The following CSMD1 variants were observed in gnomAD, a reference collection of about 807,000 sequenced individuals.
The protein encoded by CSMD1 is CUB and Sushi multiple domains 1.
In CSMD1, 213 loss-of-function variants were observed where a neutral mutation model predicts 417.5. That is an observed-to-expected ratio of 0.51 (90% CI 0.46 to 0.57). The LOEUF (loss-of-function observed/expected upper bound fraction) is 0.57, where lower values mean the gene tolerates loss of function less well. Among genes scored for constraint, CSMD1 ranks in the 20% least tolerant of loss-of-function variants. The probability of loss-of-function intolerance (pLI) is 0.00; values close to 1 mark genes in which losing one functional copy is unlikely to be tolerated. For missense variants in CSMD1, 6,923 were observed against 4,529.7 expected, an observed-to-expected ratio of 1.53 and a Z score of -15.17; for synonymous variants, 2,862 against 1,736.8, an observed-to-expected ratio of 1.65 and a Z score of -16.11.
intron 3 of CSMD1, among the ~76,000 whole-genome samples, chr8:4,080,182 C>T (rs1800054077): frequency 6.6e-6 from 1 of 152,054 alleles, no homozygotes; most frequent in South Asian, 2.1e-4. Flanking sequence ...TGAATCTTTA[C>T]TTGGGTTCAT....
chr8:3,743,699 A>G (rs1194607340), intron 6 of CSMD1, among the ~76,000 whole-genome samples: 2 of 152,108 alleles, frequency 1.3e-5, no homozygotes, highest in Admixed American at 6.6e-5. Flanking sequence ...TTTTCCCATA[A>G]AGACATTCCT....
rs149393741 is a variant in CSMD1, at chr8:4,806,558, G to T, written c.86-169000C>A. 2.0e-5 allele frequency among the ~76,000 whole-genome samples: 3 copies of T among 152,124 alleles called. No homozygotes were observed. The East Asian group carries it at 5.8e-4, about 29-fold the overall frequency. On this transcript the variant is annotated intron_variant, in intron 1 of 69. Coordinates refer to ENST00000635120, the MANE Select transcript of CSMD1 (RefSeq NM_033225.6). ...ACCGTGCTACTAGCATATTAACAAA[G>T]AGAGAAATCTTGACGATAATCATAT...
chr8:4,709,401 A>G (rs1808149916), intron 1 of CSMD1, among the ~76,000 whole-genome samples: 1 of 152,156 alleles, frequency 6.6e-6, no homozygotes, highest in Non-Finnish European at 1.5e-5. Flanking sequence ...AGGGACGAAC[A>G]TAAAGACTCT....
intron 7 of CSMD1, among the ~76,000 whole-genome samples, chr8:3,662,908 T>A (rs756421555): frequency 6.6e-6 from 1 of 152,094 alleles, no homozygotes; most frequent in Non-Finnish European, 1.5e-5. Flanking sequence ...AAAACCTAGA[T>A]GATGGGTTGA....
intron 1 of CSMD1, among the ~76,000 whole-genome samples, chr8:4,718,645 A>C (rs1445098986): frequency 1.3e-5 from 2 of 152,116 alleles, no homozygotes; most frequent in East Asian, 1.9e-4. Flanking sequence ...AAACCAAATA[A>C]AATCAATTTT....
At chr8:3,603,307 A>C (rs186953372) in intron 8 of CSMD1, among the ~76,000 whole-genome samples, 60 of 142,496 alleles carry the variant, frequency 4.2e-4, no homozygotes, top group African/African-American at 1.4e-3. Context: ...AGGCATAGGA[A>C]TATGTTATGT....
At chr8:3,438,082 G>A (rs905265785) in intron 12 of CSMD1, among the ~76,000 whole-genome samples, 2 of 152,192 alleles carry the variant, frequency 1.3e-5, no homozygotes, top group Non-Finnish European at 2.9e-5. Context: ...CAGTAGAAAA[G>A]CTTCAGACTT....
At chr8:3,817,956 T>C (rs1281172044) in intron 5 of CSMD1, among the ~76,000 whole-genome samples, 1 of 152,220 alleles carries the variant, frequency 6.6e-6, no homozygotes, top group Non-Finnish European at 1.5e-5. Context: ...TGGATTCTTT[T>C]GGTATCTTTG....
At chr8:3,510,835 C>T (rs1173038310) in intron 10 of CSMD1, among the ~76,000 whole-genome samples, 2 of 151,750 alleles carry the variant, frequency 1.3e-5, no homozygotes, top group Non-Finnish European at 2.9e-5. Context: ...TCATATCCTT[C>T]CCCCACTTTT....
At chr8:4,309,473 T>C (rs1469262070) in intron 3 of CSMD1, among the ~76,000 whole-genome samples, 1 of 108,964 alleles carries the variant, frequency 9.2e-6, no homozygotes, top group Non-Finnish European at 1.7e-5. Flanking sequence ...AAAAAATAAA[T>C]ATTAAATGCA....
chr8:3,250,154 C>G (rs1800158407), intron 26 of CSMD1, among the ~76,000 whole-genome samples: 2 of 152,176 alleles, frequency 1.3e-5, no homozygotes, highest in African/African-American at 2.4e-5. Flanking sequence ...GTGTGGTACA[C>G]CCATTAAGTC....
chr8:4,096,680 C>T (rs778993535), intron 3 of CSMD1, among the ~76,000 whole-genome samples: 7 of 152,212 alleles, frequency 4.6e-5, no homozygotes, highest in Admixed American at 1.3e-4. Flanking sequence ...GCAACAAATT[C>T]AGACTTTCCA....
intron 3 of CSMD1, among the ~76,000 whole-genome samples, chr8:4,193,845 C>T (rs374578516): frequency 6.6e-6 from 1 of 151,882 alleles, no homozygotes; most frequent in Non-Finnish European, 1.5e-5. Context: ...AGCCGTGTTT[C>T]CCATTCATTC....
intron 3 of CSMD1, among the ~76,000 whole-genome samples, chr8:4,115,976 ATTTATTTATTT>A (rs1326287115): frequency 1.4e-3 from 43 of 31,640 alleles, no homozygotes; most frequent in African/African-American, 3.8e-3. Context: ...TTATTTATTT[ATTTATTTATTT>A]ATTTATTTAT....
At chr8:3,241,016 G>T (rs1479853254) in intron 26 of CSMD1, among the ~76,000 whole-genome samples, 1 of 150,098 alleles carries the variant, frequency 6.7e-6, no homozygotes, top group Non-Finnish European at 1.5e-5. Context: ...AGGGGTGCAT[G>T]ATCGGTCACC....
intron 1 of CSMD1, among the ~76,000 whole-genome samples, chr8:4,773,276 C>G (rs754210104): frequency 1.4e-5 from 2 of 143,318 alleles, no homozygotes; most frequent in African/African-American, 2.6e-5. Context: ...TAGGGATACT[C>G]AATCTACACC....
chr8:3,597,837 G>T (rs902956149), intron 8 of CSMD1, among the ~76,000 whole-genome samples: 1 of 152,154 alleles, frequency 6.6e-6, no homozygotes, highest in Admixed American at 6.5e-5. Flanking sequence ...GGCCTGTCGG[G>T]GGGTTGGGGA....
intron 3 of CSMD1, among the ~76,000 whole-genome samples, chr8:4,270,528 T>C (rs1330824703): frequency 6.6e-6 from 1 of 152,152 alleles, no homozygotes; most frequent in Middle Eastern, 3.2e-3. Context: ...TCTTCTGATA[T>C]CCAGCTGTGA....
chr8:3,990,269 C>G (rs531101170), intron 5 of CSMD1, among the ~76,000 whole-genome samples: 167 of 152,122 alleles, frequency 1.1e-3, no homozygotes, highest in African/African-American at 3.6e-3. Context: ...TTTTCATTGC[C>G]TACAGCTTAA....
Sources: allele counts gnomAD v4.1 joint callset (sites outside exome capture counted in the v4.1 genomes callset), GRCh38; gene constraint gnomAD v4.1.1; transcripts MANE v1.5; gene names NCBI Gene and HGNC (gene_info 2026-07-23, HGNC 2026-07-21).